XKR9: variants seen among roughly 807,000 people sequenced by gnomAD.
XKR9 encodes the protein XK-related protein 9.
A neutral mutation model predicts 32.0 loss-of-function variants in XKR9; 32 were observed. The ratio of observed to expected loss-of-function variants is 1.00; its 90% CI spans 0.76 to 1.34. The LOEUF (loss-of-function observed/expected upper bound fraction) is 1.34. Ranked by LOEUF, XKR9 falls within the 40% of genes most tolerant of loss-of-function variation. The pLI, the probability that XKR9 is intolerant of heterozygous loss-of-function variation, is 0.00. For missense variants in XKR9, 546 were observed against 429.7 expected (o/e 1.27, Z -2.39); for synonymous variants, 168 against 143.4 (o/e 1.17, Z -1.22).
chr8:70,915,001 A>G, the XKR9 span, among the ~76,000 whole-genome samples: 1 of 152,068 alleles, frequency 6.6e-6, no homozygotes, highest in Non-Finnish European at 1.5e-5. Context: ...GGGTTTTTCA[A>G]GGATAGTTTG....
At chr8:70,722,681 G>C (rs905204324) in intron 4 of XKR9, among the ~76,000 whole-genome samples, 1 of 152,148 alleles carries the variant, frequency 6.6e-6, no homozygotes, top group African/African-American at 2.4e-5. Flanking sequence ...AGTCTGATGG[G>C]CTTCTCTTTG....
At chr8:70,874,208 C>T in the XKR9 span, among the ~76,000 whole-genome samples, 2 of 152,062 alleles carry the variant, frequency 1.3e-5, no homozygotes, top group Non-Finnish European at 2.9e-5. Flanking sequence ...TTTGCTTTAT[C>T]GTGGTGGTCT....
the XKR9 span, among the ~76,000 whole-genome samples, chr8:71,047,813 A>G: frequency 6.6e-6 from 1 of 152,224 alleles, no homozygotes; most frequent in Non-Finnish European, 1.5e-5. Context: ...AGTGCTTTTT[A>G]AAATGACTAT....
the XKR9 span, among the ~76,000 whole-genome samples, chr8:70,946,644 C>T: frequency 6.6e-6 from 1 of 152,152 alleles, no homozygotes; most frequent in Non-Finnish European, 1.5e-5. Context: ...CCTCTTATTA[C>T]AGGATTCTAG....
chr8:71,005,192 T>G, the XKR9 span, among the ~76,000 whole-genome samples: 3 of 150,936 alleles, frequency 2.0e-5, no homozygotes. Context: ...AATTTAACTT[T>G]TCTGGGGCTC....
chr8:70,875,909 C>T, the XKR9 span, among the ~76,000 whole-genome samples: 1 of 151,878 alleles, frequency 6.6e-6, no homozygotes, highest in Non-Finnish European at 1.5e-5. Context: ...GAGCTAGATT[C>T]CTAATATATC....
At chr8:70,767,004 T>C (rs1328930374) in intron 2 of XKR9, among the ~76,000 whole-genome samples, 1 of 152,226 alleles carries the variant, frequency 6.6e-6, no homozygotes, top group African/African-American at 2.4e-5. Flanking sequence ...TTTGCCACTA[T>C]TTTATTGAGG....
intron 2 of XKR9, among the ~76,000 whole-genome samples, chr8:70,786,974 G>A (rs142714417): frequency 3.3e-5 from 5 of 152,056 alleles, no homozygotes; most frequent in East Asian, 3.9e-4. Context: ...ATGTGTTTTC[G>A]AATATGGCTG....
chr8:70,941,084 C>T, the XKR9 span, among the ~76,000 whole-genome samples: 23 of 152,176 alleles, frequency 1.5e-4, no homozygotes, highest in East Asian at 9.6e-4. Context: ...AGTTCCAAAA[C>T]GAAAACTCCA....
At chr8:70,901,429 A>C in the XKR9 span, among the ~76,000 whole-genome samples, 21 of 152,232 alleles carry the variant, frequency 1.4e-4, no homozygotes, top group African/African-American at 5.1e-4. Flanking sequence ...GCATTTTTTC[A>C]TGTGTCTGTT....
chr8:70,890,076 C>T, the XKR9 span, among the ~76,000 whole-genome samples: 1 of 151,950 alleles, frequency 6.6e-6, no homozygotes, highest in East Asian at 1.9e-4. Context: ...GAAGCCTCAC[C>T]AGTATCTGTT....
the XKR9 span, among the ~76,000 whole-genome samples, chr8:70,807,676 A>G: frequency 1.3e-5 from 2 of 152,168 alleles, no homozygotes; most frequent in African/African-American, 4.8e-5. Context: ...ACAGCATTAC[A>G]TAATGGTAAA....
intron 2 of XKR9, among the ~76,000 whole-genome samples, chr8:70,751,835 A>T (rs1807146871): frequency 6.6e-6 from 1 of 152,140 alleles, no homozygotes; most frequent in Non-Finnish European, 1.5e-5. Flanking sequence ...ACACCTTTGA[A>T]CTTGGACTGA....
At chr8:71,001,099 A>G in the XKR9 span, among the ~76,000 whole-genome samples, 2 of 152,296 alleles carry the variant, frequency 1.3e-5, no homozygotes, top group South Asian at 4.1e-4. Flanking sequence ...CACAAACTTT[A>G]TGGATAGTGG....
intron 2 of XKR9, among the ~76,000 whole-genome samples, chr8:70,785,735 C>CTATA (rs201128769): frequency 8.8e-5 from 10 of 113,120 alleles, no homozygotes; most frequent in Admixed American, 3.4e-4. Flanking sequence ...CTCTCTCTCT[C>CTATA]TCTCTATATA....
intron 4 of XKR9, among the ~76,000 whole-genome samples, chr8:70,729,880 A>G (rs1178988400): frequency 6.6e-6 from 1 of 152,174 alleles, no homozygotes; most frequent in Admixed American, 6.5e-5. Flanking sequence ...ATAAGCCAAC[A>G]CATCATTTTT....
chr8:70,998,975 C>T, the XKR9 span, among the ~76,000 whole-genome samples: 1 of 152,096 alleles, frequency 6.6e-6, no homozygotes, highest in African/African-American at 2.4e-5. Flanking sequence ...CAGATTCAAC[C>T]AACCGCAGAT....
At chr8:70,741,196 T>C (rs1806968376) in intron 2 of XKR9, among the ~76,000 whole-genome samples, 1 of 152,124 alleles carries the variant, frequency 6.6e-6, no homozygotes, top group African/African-American at 2.4e-5. Context: ...GTGGGGACTT[T>C]GGGCAGTATT....
the XKR9 span, among the ~76,000 whole-genome samples, chr8:70,853,158 C>T: frequency 2.0e-5 from 3 of 151,920 alleles, no homozygotes; most frequent in Non-Finnish European, 4.4e-5. Flanking sequence ...GAAATACAAA[C>T]CTCTCATGTT....
Sources: gnomAD v4.1 joint callset for allele counts (sites outside exome capture counted in the v4.1 genomes callset) on GRCh38, gnomAD v4.1.1 for gene constraint, MANE v1.5 for transcripts, NCBI Gene and HGNC (gene_info 2026-07-23, HGNC 2026-07-21) for gene names.